EFHC1: variants seen among roughly 807,000 people sequenced by gnomAD.
The protein encoded by EFHC1 is EF-hand domain-containing protein 1.
A neutral mutation model predicts 69.9 loss-of-function variants in EFHC1; 53 were observed. The ratio of observed to expected loss-of-function variants is 0.76; its 90% confidence interval spans 0.61 to 0.95. The LOEUF (loss-of-function observed/expected upper bound fraction) is 0.95. Ranked by LOEUF, EFHC1 falls within the 40% of genes least tolerant of loss-of-function variation. The probability of loss-of-function intolerance (pLI) is 0.00; values close to 1 mark genes in which losing one functional copy is unlikely to be tolerated. For missense variants in EFHC1, 739 were observed against 798.7 expected (o/e 0.93, Z 0.90); for synonymous variants, 256 against 278.4 (o/e 0.92, Z 0.80).
chr6:52,446,890 C>G (rs2113987520), intron 3 of EFHC1, among the ~76,000 whole-genome samples: 1 of 152,268 alleles, frequency 6.6e-6, no homozygotes, highest in East Asian at 1.9e-4. Flanking sequence ...TTATTGGCCC[C>G]CACTCTCTTC....
At chr6:52,450,880 ACT>A (rs1177329461) in intron 3 of EFHC1, among the ~76,000 whole-genome samples, 1 of 151,874 alleles carries the variant, frequency 6.6e-6, no homozygotes, top group African/African-American at 2.4e-5. Flanking sequence ...CTCACTGCAA[ACT>A]CTGCCTCCCA....
intron 9 of EFHC1, chr6:52,480,121 T>C: frequency 1.9e-6 from 1 of 539,778 alleles, no homozygotes; most frequent in Non-Finnish European, 3.3e-6. Context: ...ACTGATAACA[T>C]AAACAGTTGA....
At position 52,479,078 on chromosome 6, in the gene EFHC1, C is replaced by G; in HGVS notation, c.1320C>G (p.Phe440Leu). Residue 440 changes from phenylalanine to leucine, a missense_variant, in exon 8 of 11, where the codon TTC (phenylalanine) becomes TTG (leucine). Coordinates refer to ENST00000371068, the MANE Select transcript of EFHC1 (RefSeq NM_018100.4). ...IPEDKDRRFV[F>L]SYFLATDMIS... ...AAGACAAAGACCGCAGATTTGTCTT[C>G]TCTTACTTTCTAGCTACCGACATGA... 6.2e-7 allele frequency: 1 copy of G among 1,614,142 alleles called. No homozygotes were observed. The highest frequency in any genetic ancestry group is 1.1e-5 in the South Asian group (1 of 91,090).
At chr6:52,431,650 G>C (rs774742482) in intron 2 of EFHC1, among the ~76,000 whole-genome samples, 1 of 152,142 alleles carries the variant, frequency 6.6e-6, no homozygotes, top group African/African-American at 2.4e-5. Context: ...AAAGTTCTAT[G>C]CGCTGTTGAA....
intron 2 of EFHC1, among the ~76,000 whole-genome samples, chr6:52,436,111 T>A (rs1764527388): frequency 6.6e-6 from 1 of 152,220 alleles, no homozygotes; most frequent in Admixed American, 6.5e-5. Context: ...ATGGCTCAGA[T>A]ACAGGCCATT....
intron 2 of EFHC1, among the ~76,000 whole-genome samples, chr6:52,424,773 T>C (rs1764268377): frequency 6.6e-6 from 1 of 152,222 alleles, no homozygotes; most frequent in African/African-American, 2.4e-5. Flanking sequence ...ATGAGCCTCC[T>C]CTTTTCACTA....
chr6:52,486,703 T>G (rs1765794213), intron 9 of EFHC1: 3 of 152,210 alleles, frequency 2.0e-5, no homozygotes, highest in Admixed American at 1.3e-4. Context: ...CTATCACTCT[T>G]CTTCTCTTTA....
chr6:52,443,844 T>C (rs1280662663), intron 3 of EFHC1, among the ~76,000 whole-genome samples: 1 of 152,238 alleles, frequency 6.6e-6, no homozygotes, highest in African/African-American at 2.4e-5. Flanking sequence ...GGTAGCTTGA[T>C]GGGGATGGCA....
At chr6:52,453,427 A>T (rs1764963214) in intron 4 of EFHC1, 1 of 1,287,046 alleles carries the variant, frequency 7.8e-7, no homozygotes, top group Non-Finnish European at 1.0e-6. Flanking sequence ...TACTAAAGGG[A>T]GAAAGAAAAG....
intron 4 of EFHC1, chr6:52,453,397 T>G (rs1445613541): frequency 7.8e-7 from 1 of 1,287,188 alleles, no homozygotes; most frequent in Non-Finnish European, 1.0e-6. Context: ...TATAAGCAGA[T>G]TTAAATCCTT....
At chr6:52,453,311 T>C in intron 4 of EFHC1, 1 of 1,287,338 alleles carries the variant, frequency 7.8e-7, no homozygotes, top group Non-Finnish European at 1.0e-6. Flanking sequence ...TATATTAATA[T>C]TGGAGTCCAG....
Position 52,479,719 on chromosome 6 carries a change from A to G in EFHC1, c.1572A>G (p.Ser524=). The change falls in exon 9 of 11, where the codon TCA becomes TCG. Residue 524 remains serine (S), a synonymous_variant. Coordinates refer to ENST00000371068, the MANE Select transcript of EFHC1 (RefSeq NM_018100.4). ...KYMESNAAQY[S]PEALASIQNH... ...TGGAGAGCAACGCTGCCCAGTATTC[A>G]CCAGAAGCACTCGCGTCAATTCAGA... 1 of 1,614,234 alleles carries G rather than the reference A, an allele frequency of 6.2e-7. No homozygotes were observed. Among genetic ancestry groups the G allele is most frequent in the Non-Finnish European group, 8.5e-7 (1 of 1,180,048 alleles).
chr6:52,446,464 C>G lies in EFHC1; in HGVS notation c.574-6224C>G, dbSNP rs543209628. On this transcript the variant is annotated intron_variant, in intron 3 of 10. Coordinates refer to ENST00000371068, the MANE Select transcript of EFHC1 (RefSeq NM_018100.4). ...TGAGCCTGTGTGTGTCTCTGCACGT[C>G]AGATGGGTCTCCTGAATACAGCACA... Among the ~76,000 whole-genome samples the G allele has an allele frequency of 4.6e-5, 7 of 152,222 alleles. No individual in the cohort carries two copies. In the East Asian group the frequency reaches 5.8e-4, roughly 13 times the overall value.
At chr6:52,425,268 T>G (rs998787513) in intron 2 of EFHC1, among the ~76,000 whole-genome samples, 1 of 152,228 alleles carries the variant, frequency 6.6e-6, no homozygotes, top group African/African-American at 2.4e-5. Flanking sequence ...TGCTTGTTTC[T>G]TTTGTTTATT....
chr6:52,447,921 C>T (rs987412128), intron 3 of EFHC1, among the ~76,000 whole-genome samples: 2 of 152,214 alleles, frequency 1.3e-5, no homozygotes, highest in African/African-American at 4.8e-5. Flanking sequence ...CTGCCTGATC[C>T]TTCCTCTGGA....
chr6:52,447,925 C>T (rs1032218417), intron 3 of EFHC1, among the ~76,000 whole-genome samples: 15 of 152,358 alleles, frequency 9.8e-5, no homozygotes, highest in African/African-American at 3.6e-4. Context: ...CTGATCCTTC[C>T]TCTGGAAGCT....
chr6:52,431,252 G>T (rs1291544078), intron 2 of EFHC1, among the ~76,000 whole-genome samples: 1 of 151,744 alleles, frequency 6.6e-6, no homozygotes, highest in Non-Finnish European at 1.5e-5. Context: ...GTTTGGGTTT[G>T]GTTTGTTCTT....
chr6:52,426,716 G>A (rs1764309484), intron 2 of EFHC1, among the ~76,000 whole-genome samples: 1 of 152,118 alleles, frequency 6.6e-6, no homozygotes, highest in African/African-American at 2.4e-5. Context: ...GGTTCCACTA[G>A]GTAATCCAAG....
chr6:52,465,075 GT>G lies in EFHC1; in HGVS notation c.1098del (p.Ile367LeufsTer3), dbSNP rs1181131881. ...KEKFGITDLPRIDVSKREPPP... is the reference protein window; with the variant it reads ...KEKFGITDLPXIDVSKREPPP... The stretch of plus-strand genomic sequence containing the variant: ...AAGTTTGGAATCACTGATTTACCAC[GT>G]ATTGATGTGAGCAAGCGGGAACCAC... On this transcript the variant is annotated frameshift_variant, in exon 6 of 11. Coordinates refer to ENST00000371068, the MANE Select transcript of EFHC1 (RefSeq NM_018100.4). LOFTEE classifies it high-confidence loss of function. The G allele has an allele frequency of 1.1e-5, 17 of 1,614,024 alleles. No homozygotes were observed. Among genetic ancestry groups the G allele is most frequent in the Non-Finnish European group, 1.2e-5 (14 of 1,180,014 alleles).
Sources: gnomAD v4.1 joint callset for allele counts (sites outside exome capture counted in the v4.1 genomes callset) on GRCh38, gnomAD v4.1.1 for gene constraint, MANE v1.5 for transcripts, NCBI Gene and HGNC (gene_info 2026-07-23, HGNC 2026-07-21) for gene names.